Variants in WDR70 observed in about 807,000 individuals in gnomAD.
WDR70 encodes the protein WD repeat domain 70.
WDR70 carries 53 observed loss-of-function variants against 88.6 expected under a neutral mutation model. The observed-to-expected ratio is 0.60, with a 90% CI of 0.48 to 0.75. The LOEUF (loss-of-function observed/expected upper bound fraction) is 0.75. WDR70 is among the 30% of genes least tolerant of loss of function. WDR70 has a pLI of 0.00. For synonymous variants in WDR70, 280 were observed against 270.0 expected (o/e 1.04, Z -0.36); for missense variants, 610 against 823.2 (o/e 0.74, Z 3.17).
intron 9 of WDR70, among the ~76,000 whole-genome samples, chr5:37,555,216 T>TAG (rs931445024): frequency 3.3e-5 from 5 of 152,192 alleles, no homozygotes; most frequent in Non-Finnish European, 7.3e-5. Context: ...TAGTATAACG[T>TAG]AGTGATATGA....
chr5:37,640,234 T>C (rs1581457270), intron 10 of WDR70, among the ~76,000 whole-genome samples: 1 of 152,294 alleles, frequency 6.6e-6, no homozygotes, highest in South Asian at 2.1e-4. Context: ...GAGCAAAAAA[T>C]TCTTTAAAAA....
chr5:37,641,069 C>G (rs1745089101), intron 10 of WDR70, among the ~76,000 whole-genome samples: 1 of 152,208 alleles, frequency 6.6e-6, no homozygotes, highest in Non-Finnish European at 1.5e-5. Context: ...TCACTACAAA[C>G]CAATGACCTT....
At chr5:37,728,756 T>C (rs1045218020) in intron 17 of WDR70, among the ~76,000 whole-genome samples, 1 of 152,178 alleles carries the variant, frequency 6.6e-6, no homozygotes, top group Non-Finnish European at 1.5e-5. Context: ...GATAAACTTC[T>C]TGGGAGTGAT....
At chr5:37,515,450 T>G (rs978090491) in intron 8 of WDR70, among the ~76,000 whole-genome samples, 1 of 152,244 alleles carries the variant, frequency 6.6e-6, no homozygotes, top group Non-Finnish European at 1.5e-5. Context: ...AAATGAGATC[T>G]CAGACTTGCC....
chr5:37,562,862 T>C (rs1009569669), intron 9 of WDR70, among the ~76,000 whole-genome samples: 17 of 152,052 alleles, frequency 1.1e-4, no homozygotes, highest in East Asian at 3.9e-4. Context: ...TACACAGACA[T>C]GGCAACCATT....
At chr5:37,570,701 G>A (rs1208209000) in intron 9 of WDR70, among the ~76,000 whole-genome samples, 1 of 152,196 alleles carries the variant, frequency 6.6e-6, no homozygotes, top group Non-Finnish European at 1.5e-5. Context: ...TGGCTGCTAT[G>A]AGGCCAAGTA....
At chr5:37,526,927 C>T (rs538852729) in intron 9 of WDR70, among the ~76,000 whole-genome samples, 24 of 152,148 alleles carry the variant, frequency 1.6e-4, no homozygotes, top group South Asian at 1.5e-3. Context: ...TTACAAGGGA[C>T]GTGAAGGACC....
chr5:37,733,670 T>C (rs1748219385), intron 17 of WDR70, among the ~76,000 whole-genome samples: 1 of 67,976 alleles, frequency 1.5e-5, no homozygotes, highest in Non-Finnish European at 3.1e-5. Context: ...CTATCTATTC[T>C]TGCAGGTCTC....
intron 7 of WDR70, among the ~76,000 whole-genome samples, chr5:37,461,633 A>G (rs1316621936): frequency 6.6e-6 from 1 of 151,848 alleles, no homozygotes; most frequent in Non-Finnish European, 1.5e-5. Context: ...ACAGGTGCCC[A>G]CCACCACACC....
At chr5:37,741,665 G>A (rs185010063) in intron 17 of WDR70, among the ~76,000 whole-genome samples, 47 of 152,250 alleles carry the variant, frequency 3.1e-4, no homozygotes, top group Admixed American at 2.2e-3. Flanking sequence ...ATGCTCACTC[G>A]CCCACTGCTC....
chr5:37,729,404 A>T (rs1259665052), intron 17 of WDR70, among the ~76,000 whole-genome samples: 1 of 152,178 alleles, frequency 6.6e-6, no homozygotes. Flanking sequence ...ATCAATCTGT[A>T]GTTATATTTG....
At chr5:37,715,560 A>G (rs905840964) in intron 13 of WDR70, among the ~76,000 whole-genome samples, 7 of 152,182 alleles carry the variant, frequency 4.6e-5, no homozygotes, top group South Asian at 2.1e-4. Context: ...CTTACTCACC[A>G]TGTTTGCTTC....
In WDR70 at chr5:37,562,449, T is replaced by C. The variant is rs1292786837; in HGVS notation, c.918-42615T>C. Among the ~76,000 whole-genome samples, 259 of 151,404 alleles carry C rather than the reference T, an allele frequency of 1.7e-3. 4 individuals are homozygous for C. In the East Asian group the frequency reaches 0.037, roughly 22 times the overall value. On this transcript the variant is annotated intron_variant, in intron 9 of 17. Transcript: ENST00000265107. ...AATGGCTTTGAGGCTTAATTCTCTTTTTTTTTTTTTTTAATTGATCATTCT... is the reference window on the plus strand; with the variant it reads ...AATGGCTTTGAGGCTTAATTCTCTTCTTTTTTTTTTTTAATTGATCATTCT...
At chr5:37,439,984 A>G (rs1478341881) in intron 6 of WDR70, among the ~76,000 whole-genome samples, 3 of 152,094 alleles carry the variant, frequency 2.0e-5, no homozygotes, top group Non-Finnish European at 4.4e-5. Flanking sequence ...CCATCTTTAT[A>G]TATCTATTTT....
At position 37,516,560 on chromosome 5, in the gene WDR70, A is replaced by G; in HGVS notation, c.887A>G (p.Lys296Arg). 1 of 1,607,468 alleles carries G rather than the reference A, an allele frequency of 6.2e-7. No homozygotes were observed. Among genetic ancestry groups the G allele is most frequent in the Non-Finnish European group, 8.5e-7 (1 of 1,175,524 alleles). Residue 296 changes from lysine (K) to arginine (R), a missense_variant, in exon 9 of 18, where the codon AAG (lysine) becomes AGG (arginine). Lys to Arg is a conservative substitution (Grantham distance 26). Transcript: ENST00000265107. ...LHTGSWHPKI[K>R]GEFMTCSNDA... ...ACTGGCTCATGGCATCCCAAAATAA[A>G]GGGAGAATTTATGACTTGCTCAAAT...
intron 10 of WDR70, among the ~76,000 whole-genome samples, chr5:37,632,429 A>G (rs1359474136): frequency 6.6e-6 from 1 of 152,206 alleles, no homozygotes; most frequent in Non-Finnish European, 1.5e-5. Context: ...AGGAGATGAC[A>G]GTTCCATGTG....
intron 15 of WDR70, 179 bp downstream of exon 15, chr5:37,723,113 C>T: frequency 1.5e-6 from 1 of 652,810 alleles, no homozygotes; most frequent in Non-Finnish European, 2.6e-6. Flanking sequence ...TTCTGTGACT[C>T]ATCACAGGGA....
chr5:37,661,067 C>T (rs922311844), intron 10 of WDR70, among the ~76,000 whole-genome samples: 1 of 152,128 alleles, frequency 6.6e-6, no homozygotes, highest in African/African-American at 2.4e-5. Context: ...TTTTGTTATC[C>T]ACAGGAAGTC....
At chr5:37,714,897 A>G (rs1747613779) in intron 13 of WDR70, among the ~76,000 whole-genome samples, 2 of 152,190 alleles carry the variant, frequency 1.3e-5, no homozygotes, top group Non-Finnish European at 2.9e-5. Context: ...ATTTAATTTT[A>G]CTTCCCAAGA....
Sources: allele counts gnomAD v4.1 joint callset (sites outside exome capture counted in the v4.1 genomes callset), GRCh38; gene constraint gnomAD v4.1.1; transcripts MANE v1.5; gene names NCBI Gene and HGNC (gene_info 2026-07-23, HGNC 2026-07-21).